Variants in KIF4A observed in about 807,000 individuals in gnomAD.
The protein encoded by KIF4A is kinesin family member 4A, also known as chromosome-associated kinesin KIF4A.
KIF4A carries 7 observed loss-of-function variants against 105.9 expected under a neutral mutation model. That is an observed-to-expected ratio of 0.07 (90% CI 0.04 to 0.12). KIF4A has a LOEUF of 0.12. KIF4A is among the 10% of genes least tolerant of loss of function. KIF4A has a pLI of 1.00. For missense variants in KIF4A, 558 were observed against 929.2 expected (o/e 0.60, Z 5.19); for synonymous variants, 281 against 331.3 (o/e 0.85, Z 1.65).
chrX:70,313,660 T>A (rs2085858683), intron 7 of KIF4A, among the ~76,000 whole-genome samples: 1 of 112,194 alleles, frequency 8.9e-6, no homozygotes, highest in Admixed American at 9.5e-5. Context: ...CTCCTGCATA[T>A]TTTTTCTTAT....
In KIF4A at chrX:70,334,051, A is replaced by T. The variant is rs143756495; in HGVS notation, c.1133+362A>T. 5.1e-3 allele frequency among the ~76,000 whole-genome samples: 570 copies of T among 111,715 alleles called. 24 individuals are homozygous for T. The East Asian group carries it at 0.095, about 19-fold the overall frequency. On this transcript the variant is annotated intron_variant, in intron 10 of 30. Transcript: ENST00000374403. ...TCAAATTGTTCCTGCTTTGTCCATT[A>T]GGAGCTCCTTCAGGTTGGCTCTTCT...
At chrX:70,395,132 G>A (rs2086254460) in intron 20 of KIF4A, among the ~76,000 whole-genome samples, 1 of 111,639 alleles carries the variant, frequency 9.0e-6, no homozygotes, top group Non-Finnish European at 1.9e-5. Context: ...TGTAATCCCA[G>A]CTACTTGGGT....
intron 7 of KIF4A, among the ~76,000 whole-genome samples, chrX:70,304,086 C>G (rs1398656414): frequency 1.7e-5 from 1 of 60,155 alleles, no homozygotes; most frequent in East Asian, 7.1e-4. Flanking sequence ...CTATCCCTCC[C>G]CCCTCCCCCC....
In KIF4A at chrX:70,387,247, C is replaced by A; in HGVS notation, c.2182C>A (p.Arg728=). 1 of 1,188,879 alleles carries A rather than the reference C, an allele frequency of 8.4e-7. No homozygotes were observed. Among genetic ancestry groups the A allele is most frequent in the Non-Finnish European group, 1.1e-6 (1 of 884,034 alleles). Residue 728 remains arginine (R), a synonymous_variant, in exon 20 of 31, where the codon CGG becomes AGG. Transcript: ENST00000374403. The part of the protein sequence containing the change: ...LQKQREVADK[R]KETQSRGMEG... ...GAAACAACGGGAGGTTGCAGATAAGCGGAAAGAGACTCAGAGCCGTGGAAT... is the reference window on the plus strand; with the variant it reads ...GAAACAACGGGAGGTTGCAGATAAGAGGAAAGAGACTCAGAGCCGTGGAAT...
intron 7 of KIF4A, among the ~76,000 whole-genome samples, chrX:70,316,665 A>G (rs757237273): frequency 1.8e-5 from 2 of 112,028 alleles, no homozygotes; most frequent in East Asian, 2.8e-4. Context: ...ATACATGTAA[A>G]TAGCACCCAG....
chrX:70,343,681 A>T, intron 11 of KIF4A, 22 bp from the exon 12 acceptor site: 1 of 1,205,158 alleles, frequency 8.3e-7, no homozygotes, highest in Non-Finnish European at 1.1e-6. Context: ...GCCACTGATG[A>T]TCTCCTGGGT....
intron 7 of KIF4A, among the ~76,000 whole-genome samples, chrX:70,327,165 A>C (rs1210688198): frequency 8.9e-6 from 1 of 112,120 alleles, no homozygotes; most frequent in Non-Finnish European, 1.9e-5. Context: ...AGGTATTAGC[A>C]GGCAGGTTTG....
At chrX:70,382,719 A>C (rs1431490104) in intron 18 of KIF4A, among the ~76,000 whole-genome samples, 1 of 109,780 alleles carries the variant, frequency 9.1e-6, no homozygotes, top group Non-Finnish European at 1.9e-5. Flanking sequence ...TTGGGAGGCC[A>C]AGGTGGGAGG....
intron 15 of KIF4A, among the ~76,000 whole-genome samples, chrX:70,369,693 T>C (rs963351636): frequency 5.4e-5 from 6 of 111,289 alleles, no homozygotes; most frequent in Middle Eastern, 4.7e-3. Flanking sequence ...TATAAATAAA[T>C]CTCCATGACT....
intron 13 of KIF4A, among the ~76,000 whole-genome samples, chrX:70,347,983 A>AAAAAAAAAAAAAAAAAG (rs1930685107): frequency 1.1e-5 from 1 of 92,623 alleles, no homozygotes; most frequent in Non-Finnish European, 2.1e-5. Flanking sequence ...TCAAAAAAAA[A>AAAAAAAAAAAAAAAAAG]AAAAGAATGA....
intron 13 of KIF4A, among the ~76,000 whole-genome samples, chrX:70,348,287 A>G (rs2086002505): frequency 9.0e-6 from 1 of 111,694 alleles, no homozygotes; most frequent in Non-Finnish European, 1.9e-5. Flanking sequence ...CTACAAAAAA[A>G]TAAAATAAAA....
At position 70,353,693 on chromosome X, in the gene KIF4A, G is replaced by A. The variant is rs754387866; in HGVS notation, c.1560G>A (p.Ala520=). ...AFTTQHALRQ[A]QMSKELVELN... is the part of the protein sequence containing the mutation. Reference sequence around the variant, plus strand: ...CCACTCAGCATGCTCTCCGTCAAGCGCAGATGTCTAAGGAGCTGGTTGAGT... The same window carrying A: ...CCACTCAGCATGCTCTCCGTCAAGCACAGATGTCTAAGGAGCTGGTTGAGT... The change falls in exon 15 of 31, where the codon GCG becomes GCA. Residue 520 remains alanine, a synonymous_variant. Coordinates refer to ENST00000374403, the MANE Select transcript of KIF4A (RefSeq NM_012310.5). 1.7e-5 allele frequency: 21 copies of A among 1,208,922 alleles called. No homozygotes were observed. Among genetic ancestry groups the A allele is most frequent in the South Asian group, 1.6e-4 (9 of 56,504 alleles).
intron 21 of KIF4A, 26 bp downstream of exon 21, chrX:70,395,852 G>A: frequency 8.3e-7 from 1 of 1,207,723 alleles, no homozygotes. Flanking sequence ...AAAAAATGTT[G>A]CCAATAATCA....
At chrX:70,372,461 C>A (rs898755241) in intron 15 of KIF4A, among the ~76,000 whole-genome samples, 1 of 92,683 alleles carries the variant, frequency 1.1e-5, no homozygotes, top group African/African-American at 3.7e-5. Context: ...GCCAACACAG[C>A]GAAACCCCGT....
At chrX:70,350,356 G>T (rs369783988) in intron 13 of KIF4A, among the ~76,000 whole-genome samples, 1 of 111,902 alleles carries the variant, frequency 8.9e-6, no homozygotes, top group Non-Finnish European at 1.9e-5. Context: ...TTGGCGGCGG[G>T]TGCCTGCATT....
intron 11 of KIF4A, among the ~76,000 whole-genome samples, chrX:70,343,210 A>G (rs1201506748): frequency 2.7e-5 from 3 of 111,561 alleles, no homozygotes; most frequent in Non-Finnish European, 5.6e-5. Flanking sequence ...GCTCAAATTT[A>G]GTGTGAGGCC....
At chrX:70,393,240 C>T (rs2086244479) in intron 20 of KIF4A, among the ~76,000 whole-genome samples, 1 of 111,177 alleles carries the variant, frequency 9.0e-6, no homozygotes, top group Non-Finnish European at 1.9e-5. Flanking sequence ...GGGGATTTTT[C>T]CAAATGTCTT....
At chrX:70,394,770 T>G (rs2147733857) in intron 20 of KIF4A, among the ~76,000 whole-genome samples, 1 of 112,248 alleles carries the variant, frequency 8.9e-6, no homozygotes. Flanking sequence ...CATTAAGGAT[T>G]ATATTCTATT....
At chrX:70,372,691 A>T (rs749651296) in intron 15 of KIF4A, among the ~76,000 whole-genome samples, 1 of 112,218 alleles carries the variant, frequency 8.9e-6, no homozygotes, top group East Asian at 2.8e-4. Flanking sequence ...GGAGAGGGAG[A>T]GGGAAAGGGC....
Sources: gnomAD v4.1 joint callset for allele counts (sites outside exome capture counted in the v4.1 genomes callset) on GRCh38, gnomAD v4.1.1 for gene constraint, MANE v1.5 for transcripts, NCBI Gene and HGNC (gene_info 2026-07-23, HGNC 2026-07-21) for gene names.